AGPAT4: variants seen among roughly 807,000 people sequenced by gnomAD.
AGPAT4 encodes the protein 1-acylglycerol-3-phosphate O-acyltransferase 4.
Under a neutral mutation model 48.0 loss-of-function variants are expected in AGPAT4, and 15 were observed. That is an observed-to-expected ratio of 0.31 (90% CI 0.21 to 0.48). The LOEUF is 0.48. Among genes scored for constraint, AGPAT4 ranks in the 20% least tolerant of loss-of-function variants. AGPAT4 has a pLI of 0.99. For synonymous variants in AGPAT4, 178 were observed against 198.7 expected (o/e 0.90, Z 0.88); for missense variants, 314 against 482.5 (o/e 0.65, Z 3.27).
chr6:161,166,514 A>G lies in AGPAT4; in HGVS notation c.179-97T>C. The G allele has an allele frequency of 7.0e-7, 1 of 1,420,152 alleles. No individual in the cohort carries two copies. The highest frequency in any genetic ancestry group is 9.5e-7 in the Non-Finnish European group (1 of 1,055,702). 88.0% of individuals were successfully genotyped at this position (1,420,152 alleles called of 1,614,324 possible). On this transcript the variant is annotated intron_variant, in intron 2 of 8. Coordinates refer to ENST00000320285, the MANE Select transcript of AGPAT4 (RefSeq NM_020133.3). This position sits in a 1 kb window ranked among gnomAD's most constrained non-coding sequence, Gnocchi z 6.7. ...CTCTGCCCTCCCAGCTAGGGGAGAA[A>G]GCAACTTCTACGGGCAAAGTTCTGG...
chr6:161,153,607 A>G, intron 4 of AGPAT4, 108 bp from the exon 5 acceptor site: 1 of 1,332,054 alleles, frequency 7.5e-7, no homozygotes. Flanking sequence ...ATATGGCCAC[A>G]CGATCACACA....
At chr6:161,162,224 G>A (rs1013004551) in intron 3 of AGPAT4, among the ~76,000 whole-genome samples, 16 of 152,232 alleles carry the variant, frequency 1.1e-4, no homozygotes, top group Non-Finnish European at 7.3e-5. Context: ...AGCCGCCAAG[G>A]GGCCCTGTGA....
rs1228573012 is a variant in AGPAT4 at position 161,154,053 on chromosome 6, C to G, written c.510+96G>C. On this transcript the variant is annotated intron_variant, in intron 4 of 8. Coordinates refer to ENST00000320285, the MANE Select transcript of AGPAT4 (RefSeq NM_020133.3). The surrounding 1 kb of genome is among the most constrained non-coding windows in gnomAD (Gnocchi z 7.8). ...CACACAGCCCTGGAGTCGCACAGGA[C>G]CACACAGTCACGTGTCCTGTGGAAG... 2.0e-6 allele frequency: 3 copies of G among 1,526,228 alleles called. No homozygotes were observed. The highest frequency in any genetic ancestry group is 2.7e-6 in the Non-Finnish European group (3 of 1,108,864). The allele number at this position is 1,526,228 out of a possible 1,614,324, so 94.5% of individuals were successfully genotyped here. A position where few individuals can be genotyped will look rare whatever the true frequency, so the allele number is the denominator to read the frequency against.
In AGPAT4 at chr6:161,201,356, C is replaced by A. The variant is rs1209139429; in HGVS notation, c.178+30680G>T. Among the ~76,000 whole-genome samples, 4 of 152,228 alleles carry A rather than the reference C, an allele frequency of 2.6e-5. No homozygotes were observed. In the East Asian group the frequency reaches 7.7e-4, roughly 29 times the overall value. On this transcript the variant is annotated intron_variant, in intron 2 of 8. Coordinates refer to ENST00000320285, the MANE Select transcript of AGPAT4 (RefSeq NM_020133.3). This position sits in a 1 kb window ranked among gnomAD's most constrained non-coding sequence, Gnocchi z 6.0. ...CAGAAGAAAAGGAAATTACAGGAAC[C>A]AATTTACCTTTTTTTTCAGTCTTAT...
intron 2 of AGPAT4, among the ~76,000 whole-genome samples, chr6:161,205,351 T>C (rs1384491776): frequency 1.3e-5 from 2 of 152,088 alleles, no homozygotes; most frequent in East Asian, 3.9e-4. Context: ...TTAAGGCTCC[T>C]TTCTCCTCTA....
chr6:161,154,223 G>C lies in AGPAT4; in HGVS notation c.436C>G (p.Arg146Gly). The C allele has an allele frequency of 6.2e-7, 1 of 1,614,070 alleles. No individual in the cohort carries two copies. The highest frequency in any genetic ancestry group is 8.5e-7 in the Non-Finnish European group (1 of 1,180,012). ...GTCTTGCGATCCTGCTCCCACTTGC[G>C]CGAACAGAAGACCATCTCGGTGAAG... ...WYFTEMVFCS[R>G]KWEQDRKTVA... Residue 146 changes from arginine (R) to glycine (G), a missense_variant, in exon 4 of 9, where the codon CGC becomes GGC. Transcript: ENST00000320285. The surrounding 1 kb of genome is among the most constrained non-coding windows in gnomAD (Gnocchi z 7.8).
chr6:161,268,470 T>TC (rs1489022226), intron 1 of AGPAT4, among the ~76,000 whole-genome samples: 1 of 152,172 alleles, frequency 6.6e-6, no homozygotes, highest in African/African-American at 2.4e-5. Flanking sequence ...CACCCCACTC[T>TC]CCAACAGGCC....
rs1278490810 is a variant in AGPAT4 at position 161,200,783 on chromosome 6, CG to C, written c.178+31252del. The stretch of plus-strand genomic sequence containing the variant: ...TACGGTCCATGTGTTACACTGCCCC[CG>C]CAGGATGGCTCTTGTCTCTGAGAAG... On this transcript the variant is annotated intron_variant, in intron 2 of 8. Coordinates refer to ENST00000320285, the MANE Select transcript of AGPAT4 (RefSeq NM_020133.3). This position sits in a 1 kb window ranked among gnomAD's most constrained non-coding sequence, Gnocchi z 5.5. 3.3e-5 allele frequency among the ~76,000 whole-genome samples: 5 copies of C among 152,186 alleles called. No homozygotes were observed. Among genetic ancestry groups the C allele is most frequent in the Admixed American group, 6.5e-5 (1 of 15,286 alleles).
chr6:161,150,018 A>T (rs995529450), intron 5 of AGPAT4, among the ~76,000 whole-genome samples: 7 of 152,254 alleles, frequency 4.6e-5, no homozygotes, highest in Non-Finnish European at 8.8e-5. Flanking sequence ...CAGTTACAGC[A>T]GCATAACCAT....
Position 161,144,061 on chromosome 6 carries a change from C to A in AGPAT4, c.843+2463G>T. The A allele has an allele frequency of 2.0e-6, 1 of 488,242 alleles. No individual in the cohort carries two copies. The highest frequency in any genetic ancestry group is 4.2e-6 in the Non-Finnish European group (1 of 236,160). 30.2% of individuals were successfully genotyped at this position (488,242 alleles called of 1,614,324 possible). A position where few individuals can be genotyped will look rare whatever the true frequency, so the allele number is the denominator to read the frequency against. ...CTGGGTCGGGCACCCAGATTTGGGG[C>A]ACGTAAAGCTTTAGATCTAGGCTCC... is the stretch of plus-strand genomic sequence containing the variant. On this transcript the variant is annotated intron_variant, in intron 7 of 8. Transcript: ENST00000320285. This position sits in a 1 kb window ranked among gnomAD's most constrained non-coding sequence, Gnocchi z 6.6.
rs1291904488 is a variant in AGPAT4 at position 161,270,149 on chromosome 6, A to G, written c.-90+3789T>C. ...ACCCATTTGAAAACTATAACTATTT[A>G]AACTGTATCTTGTTTTGCTCACAGT... On this transcript the variant is annotated intron_variant, in intron 1 of 8. Transcript: ENST00000320285. The surrounding 1 kb of genome is among the most constrained non-coding windows in gnomAD (Gnocchi z 5.3). Among the ~76,000 whole-genome samples, 2 of 152,226 alleles carry G rather than the reference A, an allele frequency of 1.3e-5. No individual in the cohort carries two copies. The highest frequency in any genetic ancestry group is 4.8e-5 in the African/African-American group (2 of 41,456).
intron 1 of AGPAT4, among the ~76,000 whole-genome samples, chr6:161,252,644 G>GAAACCCTGTCTGT (rs11268813): frequency 6.6e-6 from 1 of 151,898 alleles, no homozygotes; most frequent in Non-Finnish European, 1.5e-5. Context: ...GCAACATGGT[G>GAAACCCTGTCTGT]ACAAAAAATA....
chr6:161,245,889 G>A lies in AGPAT4; in HGVS notation c.-89-13587C>T, dbSNP rs531851218. 1.3e-5 allele frequency among the ~76,000 whole-genome samples: 2 copies of A among 152,338 alleles called. No homozygotes were observed. The highest frequency in any genetic ancestry group is 3.9e-4 in the East Asian group (2 of 5,182). On this transcript the variant is annotated intron_variant, in intron 1 of 8. Coordinates refer to ENST00000320285, the MANE Select transcript of AGPAT4 (RefSeq NM_020133.3). This position sits in a 1 kb window ranked among gnomAD's most constrained non-coding sequence, Gnocchi z 5.2. Reference sequence around the variant, plus strand: ...AGTTTGATTCATGCATAATGGACCTGAAGAGAGACTTATTAGAAAACAAAT... The same window carrying A: ...AGTTTGATTCATGCATAATGGACCTAAAGAGAGACTTATTAGAAAACAAAT...
chr6:161,220,852 C>T lies in AGPAT4; in HGVS notation c.178+11184G>A, dbSNP rs986701890. Among the ~76,000 whole-genome samples the T allele has an allele frequency of 1.3e-5, 2 of 152,126 alleles. No individual in the cohort carries two copies. The highest frequency in any genetic ancestry group is 1.9e-4 in the East Asian group (1 of 5,180). On this transcript the variant is annotated intron_variant, in intron 2 of 8. Transcript: ENST00000320285. This position sits in a 1 kb window ranked among gnomAD's most constrained non-coding sequence, Gnocchi z 6.0. The stretch of plus-strand genomic sequence containing the variant: ...AGGCTGGAGTGCAGTGGTGCAATCT[C>T]GGCTCACTGCAACTTCTGCCTCCCG...
In AGPAT4 at chr6:161,140,485, C is replaced by T. The variant is rs567355257; in HGVS notation, c.844-865G>A. 6.6e-6 allele frequency among the ~76,000 whole-genome samples: 1 copy of T among 152,348 alleles called. No homozygotes were observed. Among genetic ancestry groups the T allele is most frequent in the Non-Finnish European group, 1.5e-5 (1 of 68,032 alleles). On this transcript the variant is annotated intron_variant, in intron 7 of 8. Transcript: ENST00000320285. This position sits in a 1 kb window ranked among gnomAD's most constrained non-coding sequence, Gnocchi z 6.5. ...TCCCTGGGTGAGAACAGGGGACTCA[C>T]GGCCCCACATAAATGCACTGCGAAA...
rs1781685885 is a variant in AGPAT4 at position 161,217,637 on chromosome 6, T to C, written c.178+14399A>G. ...TTCCTTTCCATTTAAAGAAATTGGC[T>C]ACTGGTGTAGAAATTGTACATGAAC... On this transcript the variant is annotated intron_variant, in intron 2 of 8. Transcript: ENST00000320285. This position sits in a 1 kb window ranked among gnomAD's most constrained non-coding sequence, Gnocchi z 4.9. Among the ~76,000 whole-genome samples the C allele has an allele frequency of 6.6e-6, 1 of 152,246 alleles. No individual in the cohort carries two copies. Among genetic ancestry groups the C allele is most frequent in the Non-Finnish European group, 1.5e-5 (1 of 68,046 alleles).
Position 161,153,331 on chromosome 6 carries a change from C to T in AGPAT4, c.664+15G>A, listed in dbSNP as rs200508297. 1.8e-4 allele frequency: 282 copies of T among 1,599,482 alleles called. No homozygotes were observed. In the African/African-American group the frequency reaches 3.0e-3, roughly 17 times the overall value. ...GCTGCCACGGGGAGGCCCAGGGCCA[C>T]GCACTCTTCCTTACCTACATTTCTC... On this transcript the variant is annotated intron_variant, in intron 5 of 8. Transcript: ENST00000320285.
In AGPAT4 at chr6:161,143,583, G is replaced by A. The variant is rs960096393; in HGVS notation, c.843+2941C>T. Among the ~76,000 whole-genome samples the A allele has an allele frequency of 3.9e-5, 6 of 152,214 alleles. No homozygotes were observed. The highest frequency in any genetic ancestry group is 1.4e-4 in the African/African-American group (6 of 41,448). ...CTGAGGTTGTAGGTTCAGCCTCAGAGCGAGTTTACCTGGGAACTGCTTTTG... is the reference window on the plus strand; with the variant it reads ...CTGAGGTTGTAGGTTCAGCCTCAGAACGAGTTTACCTGGGAACTGCTTTTG... On this transcript the variant is annotated intron_variant, in intron 7 of 8. Transcript: ENST00000320285. The surrounding 1 kb of genome is among the most constrained non-coding windows in gnomAD (Gnocchi z 4.7).
At position 161,232,250 on chromosome 6, in the gene AGPAT4, C is replaced by A. The variant is rs760137145; in HGVS notation, c.-37G>T. 2.0e-5 allele frequency: 31 copies of A among 1,577,886 alleles called. No individual in the cohort carries two copies. The highest frequency in any genetic ancestry group is 2.5e-5 in the Non-Finnish European group (29 of 1,157,378). On this transcript the variant is annotated 5_prime_UTR_variant, in exon 2 of 9. Transcript: ENST00000320285. This position sits in a 1 kb window ranked among gnomAD's most constrained non-coding sequence, Gnocchi z 6.8. ...GCTCTTATTCAGAAATAAATAACTA[C>A]CCACAGTCAAAGATTTCCAGAAGGA...
Sources: gnomAD v4.1 joint callset for allele counts (sites outside exome capture counted in the v4.1 genomes callset) on GRCh38, gnomAD v4.1.1 for gene constraint, Gnocchi (gnomAD v3.1) non-coding constraint, MANE v1.5 for transcripts, NCBI Gene and HGNC (gene_info 2026-07-23, HGNC 2026-07-21) for gene names.